The following NCKAP5 variants were observed in gnomAD, a reference collection of about 807,000 sequenced individuals.
NCKAP5 encodes the protein NCK associated protein 5, also known as nck-associated protein 5.
In NCKAP5, 92 loss-of-function variants were observed where a neutral mutation model predicts 167.0. That is an observed-to-expected ratio of 0.55 (90% CI 0.47 to 0.66). The LOEUF (loss-of-function observed/expected upper bound fraction) is 0.66, where lower values mean the gene tolerates loss of function less well. NCKAP5 is among the 30% of genes least tolerant of loss of function. NCKAP5 has a pLI of 0.00. For synonymous variants in NCKAP5, 891 were observed against 877.4 expected (o/e 1.02, Z -0.27); for missense variants, 2,378 against 2,315.0 (o/e 1.03, Z -0.56).
At chr2:133,272,864 T>A (rs2089577326) in intron 4 of NCKAP5, among the ~76,000 whole-genome samples, 1 of 152,220 alleles carries the variant, frequency 6.6e-6, no homozygotes, top group Non-Finnish European at 1.5e-5. Flanking sequence ...GTTTTGTCCA[T>A]GTTGTAGCAC....
chr2:133,265,962 A>C (rs2089182635), intron 4 of NCKAP5, among the ~76,000 whole-genome samples: 1 of 152,214 alleles, frequency 6.6e-6, no homozygotes, highest in African/African-American at 2.4e-5. Context: ...GGAGGACCAC[A>C]GAACTCAAGA....
intron 5 of NCKAP5, among the ~76,000 whole-genome samples, chr2:133,189,821 T>A (rs1478640809): frequency 1.3e-5 from 2 of 152,198 alleles, no homozygotes; most frequent in Admixed American, 6.6e-5. Context: ...AATATCATCC[T>A]GAATGGGCAA....
At chr2:132,771,892 C>T (rs1174407680) in intron 16 of NCKAP5, among the ~76,000 whole-genome samples, 2 of 144,656 alleles carry the variant, frequency 1.4e-5, no homozygotes, top group African/African-American at 2.6e-5. Context: ...AGGGTTTCAC[C>T]GTGTTAGCCA....
At chr2:133,483,219 T>G (rs1041155520) in intron 3 of NCKAP5, among the ~76,000 whole-genome samples, 5 of 152,196 alleles carry the variant, frequency 3.3e-5, no homozygotes, top group African/African-American at 1.2e-4. Flanking sequence ...CATCCCAAAT[T>G]GCAAATGGAA....
intron 5 of NCKAP5, among the ~76,000 whole-genome samples, chr2:133,172,430 T>G (rs2084286006): frequency 6.6e-6 from 1 of 152,260 alleles, no homozygotes; most frequent in African/African-American, 2.4e-5. Flanking sequence ...TGCCACTTGC[T>G]GGAGGCTACA....
intron 6 of NCKAP5, among the ~76,000 whole-genome samples, chr2:133,124,515 A>T (rs1381519673): frequency 6.6e-6 from 1 of 152,214 alleles, no homozygotes; most frequent in Non-Finnish European, 1.5e-5. Flanking sequence ...GTCACTATGC[A>T]ATCATTAATT....
At chr2:133,467,762 T>C (rs966194086) in intron 3 of NCKAP5, among the ~76,000 whole-genome samples, 2 of 144,736 alleles carry the variant, frequency 1.4e-5, no homozygotes, top group East Asian at 2.2e-4. Flanking sequence ...TCCAGGAATG[T>C]ATCCATTTCT....
chr2:133,555,678 G>A (rs11683660), intron 2 of NCKAP5, among the ~76,000 whole-genome samples: 41,226 of 152,062 alleles, frequency 0.27, 6,145 homozygotes, highest in East Asian at 0.38. Context: ...TATTGTTCCT[G>A]GGAGTATAAA....
At chr2:132,963,160 T>C (rs2076568170) in intron 8 of NCKAP5, among the ~76,000 whole-genome samples, 1 of 152,124 alleles carries the variant, frequency 6.6e-6, no homozygotes, top group African/African-American at 2.4e-5. Flanking sequence ...AACAGACGGG[T>C]GTTATCATAT....
chr2:133,304,854 G>A (rs547594638), intron 3 of NCKAP5, among the ~76,000 whole-genome samples: 1 of 152,308 alleles, frequency 6.6e-6, no homozygotes, highest in South Asian at 2.1e-4. Flanking sequence ...GAACGGATTC[G>A]TTTCATGTTG....
At chr2:132,682,884 T>C (rs1685418244) in intron 19 of NCKAP5, among the ~76,000 whole-genome samples, 1 of 151,874 alleles carries the variant, frequency 6.6e-6, no homozygotes, top group African/African-American at 2.4e-5. Context: ...TTCTTTCTTT[T>C]TACTTTTTTT....
intron 11 of NCKAP5, among the ~76,000 whole-genome samples, chr2:132,815,773 C>G (rs1297207291): frequency 6.6e-6 from 1 of 152,198 alleles, no homozygotes; most frequent in Non-Finnish European, 1.5e-5. Context: ...CCCAGGTCCA[C>G]ACGCTGTGGT....
At chr2:133,267,958 A>G (rs1370667496) in intron 4 of NCKAP5, among the ~76,000 whole-genome samples, 2 of 152,188 alleles carry the variant, frequency 1.3e-5, no homozygotes, top group African/African-American at 2.4e-5. Flanking sequence ...AACACAACCA[A>G]TGGGATTATG....
intron 6 of NCKAP5, among the ~76,000 whole-genome samples, chr2:133,009,306 T>C (rs2078072274): frequency 6.6e-6 from 1 of 152,210 alleles, no homozygotes; most frequent in Non-Finnish European, 1.5e-5. Context: ...TTAACAACTA[T>C]TCTATAAGCT....
intron 3 of NCKAP5, among the ~76,000 whole-genome samples, chr2:133,459,323 AACC>A (rs1692055773): frequency 6.6e-6 from 1 of 152,092 alleles, no homozygotes; most frequent in Non-Finnish European, 1.5e-5. Context: ...TACAGGTGTG[AACC>A]ACCACATTTC....
At chr2:133,641,961 G>C in the NCKAP5 span, among the ~76,000 whole-genome samples, 1 of 152,132 alleles carries the variant, frequency 6.6e-6, no homozygotes, top group South Asian at 2.1e-4. Context: ...CTTAGGCTGG[G>C]TAGTTTATTG....
At chr2:132,791,991 T>C (rs907380598) in intron 12 of NCKAP5, among the ~76,000 whole-genome samples, 3 of 152,148 alleles carry the variant, frequency 2.0e-5, no homozygotes, top group African/African-American at 7.2e-5. Context: ...TGGGCTGGAG[T>C]GAGAAGGAAT....
At chr2:132,746,338 A>G (rs528911665) in intron 16 of NCKAP5, among the ~76,000 whole-genome samples, 37 of 152,242 alleles carry the variant, frequency 2.4e-4, no homozygotes, top group African/African-American at 8.7e-4. Flanking sequence ...ATTAAAAACA[A>G]TAAATACTCA....
At chr2:133,191,644 C>A (rs1435293709) in intron 5 of NCKAP5, among the ~76,000 whole-genome samples, 1 of 152,138 alleles carries the variant, frequency 6.6e-6, no homozygotes, top group East Asian at 1.9e-4. Context: ...TGGAAACCAT[C>A]ATTCTGAGCA....
Sources: gnomAD v4.1 joint callset for allele counts (sites outside exome capture counted in the v4.1 genomes callset) on GRCh38, gnomAD v4.1.1 for gene constraint, MANE v1.5 for transcripts, NCBI Gene and HGNC (gene_info 2026-07-23, HGNC 2026-07-21) for gene names.